Variants in RBFOX1 observed in about 807,000 individuals in gnomAD.
The protein encoded by RBFOX1 is RNA binding fox-1 homolog 1.
In RBFOX1, 8 loss-of-function variants were observed where a neutral mutation model predicts 57.7. The ratio of observed to expected loss-of-function variants is 0.14; its 90% CI spans 0.08 to 0.25. The LOEUF is 0.25. RBFOX1 is among the 10% of genes least tolerant of loss of function. The probability of loss-of-function intolerance (pLI) is 1.00; values close to 1 mark genes in which losing one functional copy is unlikely to be tolerated. For synonymous variants in RBFOX1, 326 were observed against 222.4 expected (o/e 1.47, Z -4.15); for missense variants, 611 against 548.5 (o/e 1.11, Z -1.14).
intron 3 of RBFOX1, among the ~76,000 whole-genome samples, chr16:5,865,800 G>A (rs2057331849): frequency 1.3e-5 from 2 of 152,282 alleles, no homozygotes; most frequent in South Asian, 2.1e-4. Context: ...AGTTCAAGAT[G>A]AAGGTACCAG....
chr16:6,411,667 C>T (rs1194131580), intron 2 of RBFOX1, among the ~76,000 whole-genome samples: 1 of 152,188 alleles, frequency 6.6e-6, no homozygotes, highest in East Asian at 1.9e-4. Context: ...GAAAATTATT[C>T]TCCATTCTGT....
intron 3 of RBFOX1, among the ~76,000 whole-genome samples, chr16:7,024,931 A>G (rs1181882795): frequency 6.6e-6 from 1 of 152,136 alleles, no homozygotes; most frequent in Non-Finnish European, 1.5e-5. Flanking sequence ...GAGGACACTG[A>G]GGCCCAGAGA....
chr16:6,616,576 T>G (rs1386571504), intron 2 of RBFOX1, among the ~76,000 whole-genome samples: 9 of 152,146 alleles, frequency 5.9e-5, no homozygotes, highest in African/African-American at 2.2e-4. Context: ...CTCAGGAGGC[T>G]GAGGCAGGAG....
intron 1 of RBFOX1, among the ~76,000 whole-genome samples, chr16:5,405,224 T>C (rs2066832806): frequency 6.6e-6 from 1 of 152,130 alleles, no homozygotes; most frequent in Non-Finnish European, 1.5e-5. Context: ...GGTGACATGG[T>C]TTGGCTGTGT....
chr16:6,299,507 T>C (rs2152739790), intron 1 of RBFOX1, among the ~76,000 whole-genome samples: 2 of 152,248 alleles, frequency 1.3e-5, no homozygotes, highest in Non-Finnish European at 2.9e-5. Flanking sequence ...GAAGCGCACG[T>C]AAGCCACCAG....
intron 3 of RBFOX1, among the ~76,000 whole-genome samples, chr16:5,705,693 A>G (rs1440478382): frequency 6.6e-6 from 1 of 152,104 alleles, no homozygotes; most frequent in Admixed American, 6.5e-5. Context: ...GACTCATAGG[A>G]CCTCTCATCA....
intron 3 of RBFOX1, among the ~76,000 whole-genome samples, chr16:5,762,873 A>C (rs2053637718): frequency 6.6e-6 from 1 of 152,214 alleles, no homozygotes. Context: ...CTTGTTTAAA[A>C]ATATGTATCC....
intron 4 of RBFOX1, among the ~76,000 whole-genome samples, chr16:7,158,853 G>A (rs1280695486): frequency 6.6e-6 from 1 of 152,036 alleles, no homozygotes. Context: ...ATGTGTGTGT[G>A]CATGTGTGTG....
At chr16:5,257,264 A>G (rs2062612583) in intron 1 of RBFOX1, among the ~76,000 whole-genome samples, 1 of 152,234 alleles carries the variant, frequency 6.6e-6, no homozygotes, top group African/African-American at 2.4e-5. Flanking sequence ...GGAATCTGTC[A>G]TCTTTACAAC....
chr16:6,218,512 G>C (rs1017115320), intron 1 of RBFOX1, among the ~76,000 whole-genome samples: 4 of 152,034 alleles, frequency 2.6e-5, no homozygotes, highest in African/African-American at 9.7e-5. Context: ...ATTCTACCCT[G>C]TTTGCCAGGC....
intron 3 of RBFOX1, among the ~76,000 whole-genome samples, chr16:6,796,303 G>C (rs1361838176): frequency 1.3e-5 from 2 of 152,034 alleles, no homozygotes; most frequent in African/African-American, 4.8e-5. Flanking sequence ...ATGACACTTG[G>C]GAATTGTGGC....
At chr16:6,811,515 G>C (rs1381993384) in intron 3 of RBFOX1, among the ~76,000 whole-genome samples, 1 of 152,146 alleles carries the variant, frequency 6.6e-6, no homozygotes, top group Non-Finnish European at 1.5e-5. Context: ...TATGTAGCTA[G>C]TCCTCAGACC....
chr16:7,469,614 A>G (rs2061190390), intron 4 of RBFOX1, among the ~76,000 whole-genome samples: 1 of 152,160 alleles, frequency 6.6e-6, no homozygotes, highest in Non-Finnish European at 1.5e-5. Context: ...GTTCCCATGC[A>G]CCCACACTCC....
chr16:5,558,178 T>C (rs1243646823), intron 2 of RBFOX1, among the ~76,000 whole-genome samples: 2 of 152,170 alleles, frequency 1.3e-5, no homozygotes, highest in African/African-American at 4.8e-5. Flanking sequence ...GAACTTGGGA[T>C]ACAGAAGGCT....
At chr16:6,072,817 C>G (rs1016552792) in intron 1 of RBFOX1, among the ~76,000 whole-genome samples, 2 of 152,082 alleles carry the variant, frequency 1.3e-5, no homozygotes, top group African/African-American at 4.8e-5. Context: ...CTTAAACACC[C>G]TCTACCCCAC....
intron 1 of RBFOX1, among the ~76,000 whole-genome samples, chr16:5,312,126 C>T (rs2064107893): frequency 6.6e-6 from 1 of 152,150 alleles, no homozygotes; most frequent in African/African-American, 2.4e-5. Context: ...ATGAGAATAG[C>T]CAGGTAGACT....
At chr16:7,290,490 C>T (rs1019063399) in intron 4 of RBFOX1, among the ~76,000 whole-genome samples, 5 of 152,264 alleles carry the variant, frequency 3.3e-5, no homozygotes, top group South Asian at 2.1e-4. Context: ...CACCATGCTT[C>T]GCACAGACAC....
At chr16:5,704,467 T>C (rs1194831488) in intron 3 of RBFOX1, among the ~76,000 whole-genome samples, 2 of 152,190 alleles carry the variant, frequency 1.3e-5, no homozygotes, top group African/African-American at 4.8e-5. Flanking sequence ...TTTTGTCCTT[T>C]GAGCAGTGCT....
intron 1 of RBFOX1, among the ~76,000 whole-genome samples, chr16:6,151,288 T>G (rs2096795813): frequency 6.6e-6 from 1 of 151,914 alleles, no homozygotes; most frequent in Non-Finnish European, 1.5e-5. Flanking sequence ...TAATTAGTTG[T>G]TTTTTTTCTT....
Sources: gnomAD v4.1 joint callset for allele counts (sites outside exome capture counted in the v4.1 genomes callset) on GRCh38, gnomAD v4.1.1 for gene constraint, MANE v1.5 for transcripts, NCBI Gene and HGNC (gene_info 2026-07-23, HGNC 2026-07-21) for gene names.